The following LRP2 variants were observed in gnomAD, a reference collection of about 807,000 sequenced individuals.
LRP2 encodes the protein low-density lipoprotein receptor-related protein 2.
Under a neutral mutation model 531.0 loss-of-function variants are expected in LRP2, and 172 were observed. The observed-to-expected ratio is 0.32, with a 90% CI of 0.29 to 0.37. The LOEUF is 0.37. Ranked by LOEUF, LRP2 falls within the 10% of genes least tolerant of loss-of-function variation. The pLI, the probability that LRP2 is intolerant of heterozygous loss-of-function variation, is 1.00. For synonymous variants in LRP2, 1,992 were observed against 2,027.6 expected, an observed-to-expected ratio of 0.98 and a Z score of 0.47; for missense variants, 5,167 against 5,868.3, an observed-to-expected ratio of 0.88 and a Z score of 3.90.
chr2:169,353,180 T>C (rs1000742585), intron 1 of LRP2, among the ~76,000 whole-genome samples: 1 of 152,178 alleles, frequency 6.6e-6, no homozygotes, highest in Admixed American at 6.5e-5. Flanking sequence ...GCTGACTTTG[T>C]CTAGGGTCCT....
rs150063962 is a variant in LRP2 at position 169,305,976 on chromosome 2, C to A, written c.427+1305G>T. The stretch of plus-strand genomic sequence containing the variant: ...TACCCTAGGTGTGCAGTAGGCTATA[C>A]CATCCAGGTTTGTTTAACAACACTC... On this transcript the variant is annotated intron_variant, in intron 4 of 78. Coordinates refer to ENST00000649046, the MANE Select transcript of LRP2 (RefSeq NM_004525.3). 1.3e-4 allele frequency among the ~76,000 whole-genome samples: 20 copies of A among 152,092 alleles called. No homozygotes were observed. In the South Asian group the frequency reaches 2.3e-3, roughly 17 times the overall value.
chr2:169,276,269 G>C (rs1445116367), intron 13 of LRP2, among the ~76,000 whole-genome samples: 1 of 152,082 alleles, frequency 6.6e-6, no homozygotes, highest in African/African-American at 2.4e-5. Context: ...AAAGCGAGAG[G>C]CAATGACTTT....
chr2:169,197,213 T>C (rs1256388173), intron 45 of LRP2, among the ~76,000 whole-genome samples, 183 bp from the exon 46 acceptor site: 1 of 151,772 alleles, frequency 6.6e-6, no homozygotes, highest in Non-Finnish European at 1.5e-5. Flanking sequence ...CAGAAGGAAG[T>C]CAATCCTGCC....
intron 68 of LRP2, among the ~76,000 whole-genome samples, chr2:169,147,234 TATGAAAGCTGTTC>T (rs1685949009): frequency 6.6e-6 from 1 of 150,630 alleles, no homozygotes; most frequent in Admixed American, 7.2e-5. Context: ...AAAGCTGTAT[TATGAAAGCTGTTC>T]ACTCTTCAAG....
At chr2:169,314,419 G>C (rs1684705320) in intron 3 of LRP2, among the ~76,000 whole-genome samples, 1 of 131,714 alleles carries the variant, frequency 7.6e-6, no homozygotes. Flanking sequence ...CAAGACCCCT[G>C]TCTCTAAAAA....
intron 58 of LRP2, 137 bp from the exon 59 acceptor site, chr2:169,170,804 A>G (rs961850024): frequency 2.7e-6 from 2 of 730,082 alleles, no homozygotes; most frequent in East Asian, 5.0e-5. Flanking sequence ...TGGGCAAATC[A>G]TTCACCCTCC....
intron 38 of LRP2, among the ~76,000 whole-genome samples, chr2:169,209,233 G>T (rs1206296334): frequency 6.6e-6 from 1 of 152,102 alleles, no homozygotes; most frequent in Non-Finnish European, 1.5e-5. Flanking sequence ...AATAACAGAA[G>T]AAAATGATAA....
At chr2:169,202,346 A>C (rs1265733342) in intron 43 of LRP2, among the ~76,000 whole-genome samples, 1 of 152,132 alleles carries the variant, frequency 6.6e-6, no homozygotes, top group Non-Finnish European at 1.5e-5. Context: ...GTGCTACGAA[A>C]ATTGGTAAAA....
chr2:169,220,200 A>C (rs1664173423), intron 34 of LRP2, among the ~76,000 whole-genome samples: 2 of 152,208 alleles, frequency 1.3e-5, no homozygotes, highest in Admixed American at 1.3e-4. Context: ...AATTCCTAAA[A>C]TTCTTGCTTG....
At chr2:169,343,485 T>C (rs1256672787) in intron 1 of LRP2, among the ~76,000 whole-genome samples, 1 of 152,214 alleles carries the variant, frequency 6.6e-6, no homozygotes, top group African/African-American at 2.4e-5. Flanking sequence ...TAATATCAGG[T>C]TCCCTGTGGG....
chr2:169,139,330 T>C lies in LRP2; in HGVS notation c.13309A>G (p.Ile4437Val). ...VLLTILLIVV[I>V]GALAIAGFFH... The stretch of plus-strand genomic sequence containing the variant: ...AATCCTGCAATTGCCAGAGCTCCAA[T>C]TACGACGATCAAGAGGATTGTCAAC... The change falls in exon 74 of 79, where the codon ATT (isoleucine) becomes GTT (valine). Residue 4437 changes from isoleucine to valine, a missense_variant. By Grantham distance (29) the Ile-to-Val change is conservative. This residue lies in a region of LRP2 where 348 missense variants were observed against 369.3 expected (regional missense o/e 0.94). Coordinates refer to ENST00000649046, the MANE Select transcript of LRP2 (RefSeq NM_004525.3). The C allele has an allele frequency of 6.2e-7, 1 of 1,614,126 alleles. No homozygotes were observed. Among genetic ancestry groups the C allele is most frequent in the Non-Finnish European group, 8.5e-7 (1 of 1,180,008 alleles).
rs1170270243 is a variant in LRP2, at chr2:169,146,790, T to C, written c.12760A>G (p.Ile4254Val). The part of the protein sequence containing the change: ...IYWSDFKEDV[I>V]ETIKYDGTDR... ...GTCCCATCATATTTTATGGTTTCAA[T>C]AACGTCCTCCTTGAAGTCACTCCAG... is the stretch of plus-strand genomic sequence containing the variant. Residue 4254 changes from isoleucine (I) to valine (V), a missense_variant, in exon 69 of 79, where the codon ATT becomes GTT. This residue lies in a region of LRP2 where 564 missense variants were observed against 747.7 expected (regional missense o/e 0.75). Coordinates refer to ENST00000649046, the MANE Select transcript of LRP2 (RefSeq NM_004525.3). 6.2e-6 allele frequency: 10 copies of C among 1,614,086 alleles called. No homozygotes were observed. Among genetic ancestry groups the C allele is most frequent in the Non-Finnish European group, 8.5e-6 (10 of 1,180,012 alleles).
rs748754632 is a variant in LRP2, at chr2:169,128,674, A to C, written c.13957T>G (p.Ser4653Ala). The change falls in exon 79 of 79, where the codon TCT becomes GCT. Residue 4653 changes from serine to alanine, a missense_variant. Ser to Ala is a moderately conservative substitution (Grantham distance 99). Coordinates refer to ENST00000649046, the MANE Select transcript of LRP2 (RefSeq NM_004525.3). ...KDTANLVKED[S>A]EV ...AATAGCTGGTATAGCTATACTTCAG[A>C]GTCTTCTTTAACAAGATTTGCGGTG... 3 of 1,614,094 alleles carry C rather than the reference A, an allele frequency of 1.9e-6. No homozygotes were observed. Among genetic ancestry groups the C allele is most frequent in the South Asian group, 2.2e-5 (2 of 91,086 alleles).
intron 1 of LRP2, among the ~76,000 whole-genome samples, chr2:169,348,395 C>T (rs1241356515): frequency 6.6e-6 from 1 of 152,096 alleles, no homozygotes. Flanking sequence ...TCGTCTGTGC[C>T]CATTTTTCCT....
At chr2:169,136,792 C>T (rs1177097329) in intron 76 of LRP2, among the ~76,000 whole-genome samples, 2 of 152,282 alleles carry the variant, frequency 1.3e-5, no homozygotes, top group African/African-American at 4.8e-5. Context: ...AATAAATAGC[C>T]TTGTTGCTCA....
At position 169,275,116 on chromosome 2, in the gene LRP2, T is replaced by C. The variant is rs1490881003; in HGVS notation, c.1895A>G (p.Glu632Gly). The C allele has an allele frequency of 6.2e-7, 1 of 1,613,800 alleles. No individual in the cohort carries two copies. The highest frequency in any genetic ancestry group is 8.5e-7 in the Non-Finnish European group (1 of 1,179,858). ...MAVLKANKFT[E>G]TNPQVYYQAS... ...CTGGTAGTACACTTGTGGGTTGGTCTCTGTGAACTTGTTTGCCTTCAGCAC... is the reference window on the plus strand; with the variant it reads ...CTGGTAGTACACTTGTGGGTTGGTCCCTGTGAACTTGTTTGCCTTCAGCAC... The change falls in exon 14 of 79, where the codon GAG becomes GGG. Residue 632 changes from glutamate to glycine, a missense_variant. Around this residue, in one of 6 missense-constraint regions of LRP2, gnomAD observed 2,811 missense variants for 3,058.0 expected, o/e 0.92. Transcript: ENST00000649046.
At chr2:169,319,437 A>C (rs1684853765) in intron 2 of LRP2, among the ~76,000 whole-genome samples, 1 of 152,182 alleles carries the variant, frequency 6.6e-6, no homozygotes, top group Non-Finnish European at 1.5e-5. Flanking sequence ...ATGTATGTGA[A>C]AGCGCCATGT....
chr2:169,238,966 C>G (rs1156459878), intron 26 of LRP2, among the ~76,000 whole-genome samples: 1 of 152,198 alleles, frequency 6.6e-6, no homozygotes, highest in African/African-American at 2.4e-5. Context: ...CTAAGAGAAG[C>G]TAAAACCTGG....
In LRP2 at chr2:169,206,097, A is replaced by C; in HGVS notation, c.7482T>G (p.Ala2494=). 1 of 1,614,228 alleles carries C rather than the reference A, an allele frequency of 6.2e-7. No homozygotes were observed. The highest frequency in any genetic ancestry group is 8.5e-7 in the Non-Finnish European group (1 of 1,180,046). Residue 2494 remains alanine, a synonymous_variant, in exon 40 of 79, where the codon GCT becomes GCG. Transcript: ENST00000649046. ...DYLNQMINSM[A]EDGSNRTVIA... is the part of the protein sequence containing the mutation. The stretch of plus-strand genomic sequence containing the variant: ...TCACAGTGCGGTTAGACCCATCTTC[A>C]GCCATGGAATTAATCATCTGGTTGA...
Sources: allele counts gnomAD v4.1 joint callset (sites outside exome capture counted in the v4.1 genomes callset), GRCh38; gene constraint gnomAD v4.1.1; regional missense constraint gnomAD v4.1.1; transcripts MANE v1.5; gene names NCBI Gene and HGNC (gene_info 2026-07-23, HGNC 2026-07-21).